SSBP3: variants seen among roughly 807,000 people sequenced by gnomAD.
SSBP3 encodes single stranded DNA binding protein 3.
Under a neutral mutation model 69.6 loss-of-function variants are expected in SSBP3, and 5 were observed. The ratio of observed to expected loss-of-function variants is 0.07; its 90% confidence interval spans 0.04 to 0.15. SSBP3 has a LOEUF of 0.15. Ranked by LOEUF, SSBP3 falls within the 10% of genes least tolerant of loss-of-function variation. The pLI is 1.00. For synonymous variants in SSBP3, 196 were observed against 193.4 expected, an observed-to-expected ratio of 1.01 and a Z score of -0.11; for missense variants, 312 against 534.0, an observed-to-expected ratio of 0.58 and a Z score of 4.10.
At chr1:54,266,285 C>T (rs572829282) in intron 5 of SSBP3, among the ~76,000 whole-genome samples, 2 of 152,310 alleles carry the variant, frequency 1.3e-5, no homozygotes, top group East Asian at 1.9e-4. Flanking sequence ...ACAAGGACCC[C>T]AAGAGCACAG....
chr1:54,384,105 CAAAAAA>C (rs34137070), intron 4 of SSBP3, among the ~76,000 whole-genome samples: 11 of 94,116 alleles, frequency 1.2e-4, no homozygotes, highest in African/African-American at 4.1e-4. Context: ...GACTCCATCT[CAAAAAA>C]AAAAAAAAAA....
At chr1:54,358,335 G>C (rs577316624) in intron 4 of SSBP3, among the ~76,000 whole-genome samples, 2 of 152,282 alleles carry the variant, frequency 1.3e-5, no homozygotes, top group Admixed American at 1.3e-4. Context: ...ACTCTTGGGG[G>C]CTTATCAGGT....
At chr1:54,323,212 GA>G (rs1204726706) in intron 4 of SSBP3, among the ~76,000 whole-genome samples, 1 of 151,972 alleles carries the variant, frequency 6.6e-6, no homozygotes, top group African/African-American at 2.4e-5. Context: ...AGTGGGGAAA[GA>G]AAAAAAATTT....
At chr1:54,228,562 T>A (rs1400996360) in intron 15 of SSBP3, 85 bp from the exon 16 acceptor site, 7 of 1,579,076 alleles carry the variant, frequency 4.4e-6, no homozygotes, top group African/African-American at 1.3e-5. Flanking sequence ...CTCGGGCCTC[T>A]AAGCCCTTCC....
At chr1:54,381,200 T>A (rs1443676966) in intron 4 of SSBP3, among the ~76,000 whole-genome samples, 5 of 151,896 alleles carry the variant, frequency 3.3e-5, no homozygotes, top group Admixed American at 1.3e-4. Flanking sequence ...CTGGCCAACA[T>A]GGTGAAATTC....
At chr1:54,231,234 T>G (rs1033092473) in intron 14 of SSBP3, among the ~76,000 whole-genome samples, 5 of 152,240 alleles carry the variant, frequency 3.3e-5, no homozygotes, top group Non-Finnish European at 5.9e-5. Flanking sequence ...ACAGCCGTCC[T>G]AGTGGGTGTG....
At chr1:54,293,642 T>C (rs757078609) in intron 4 of SSBP3, among the ~76,000 whole-genome samples, 18 of 152,122 alleles carry the variant, frequency 1.2e-4, no homozygotes, top group Admixed American at 8.5e-4. Flanking sequence ...TCTGCAACAC[T>C]CTTCTCCTCT....
intron 3 of SSBP3, 61 bp downstream of exon 3, chr1:54,404,515 C>T: frequency 6.3e-7 from 1 of 1,592,302 alleles, no homozygotes. Context: ...CTTCTTTGTT[C>T]ACTTGGACCC....
intron 4 of SSBP3, among the ~76,000 whole-genome samples, chr1:54,304,534 T>C (rs959810526): frequency 6.6e-6 from 1 of 151,926 alleles, no homozygotes; most frequent in Non-Finnish European, 1.5e-5. Context: ...TTGCAGGTGA[T>C]GGTGGGAAAA....
intron 4 of SSBP3, among the ~76,000 whole-genome samples, chr1:54,363,639 C>A (rs928642266): frequency 6.6e-6 from 1 of 152,124 alleles, no homozygotes; most frequent in Non-Finnish European, 1.5e-5. Flanking sequence ...CCACCCCCTG[C>A]ACCATCATTT....
chr1:54,250,544 G>C (rs557987506), intron 9 of SSBP3, among the ~76,000 whole-genome samples: 1 of 152,030 alleles, frequency 6.6e-6, no homozygotes, highest in Non-Finnish European at 1.5e-5. Flanking sequence ...GCGGGAATGG[G>C]GGGGGGCACT....
upstream of SSBP3, among the ~76,000 whole-genome samples, chr1:54,406,640 C>T (rs1372341234): frequency 1.3e-5 from 2 of 151,890 alleles, no homozygotes; most frequent in Non-Finnish European, 2.9e-5. Flanking sequence ...GTCGCCGGGG[C>T]GGTGGGCGAC....
Position 54,378,290 on chromosome 1 carries a change from CCTTG to C in SSBP3, c.276+23567_276+23570del, listed in dbSNP as rs1647345540. ...GTTTAACCCCCTAGTTATCGCTAAT[CCTTG>C]CTTAAAGAGGATTAAGACAATCATG... is the stretch of plus-strand genomic sequence containing the variant. On this transcript the variant is annotated intron_variant, in intron 4 of 17. Coordinates refer to ENST00000610401, the Ensembl canonical transcript of SSBP3. Among the ~76,000 whole-genome samples the C allele has an allele frequency of 2.6e-5, 4 of 152,352 alleles. 1 individual carries two copies. In the South Asian group the frequency reaches 8.3e-4, roughly 32 times the overall value.
At chr1:54,309,049 T>C (rs1281097402) in intron 4 of SSBP3, among the ~76,000 whole-genome samples, 1 of 152,244 alleles carries the variant, frequency 6.6e-6, no homozygotes, top group African/African-American at 2.4e-5. Context: ...CTGGGGCATA[T>C]GTGCATACAG....
intron 4 of SSBP3, among the ~76,000 whole-genome samples, chr1:54,283,195 G>A (rs1645427570): frequency 6.6e-6 from 1 of 151,360 alleles, no homozygotes; most frequent in Non-Finnish European, 1.5e-5. Flanking sequence ...TTGAACTCAG[G>A]AGGCAGAGGT....
chr1:54,270,672 G>A (rs1645177639), intron 5 of SSBP3, among the ~76,000 whole-genome samples: 1 of 152,136 alleles, frequency 6.6e-6, no homozygotes, highest in Admixed American at 6.5e-5. Context: ...TGAAAGACCT[G>A]GGCCTCTAGA....
At chr1:54,289,425 CT>C (rs1645565145) in intron 4 of SSBP3, among the ~76,000 whole-genome samples, 1 of 151,958 alleles carries the variant, frequency 6.6e-6, no homozygotes. Context: ...GTTCCTAGTG[CT>C]TTTTACACAT....
In SSBP3 at chr1:54,251,606, C is replaced by A. The variant is rs778082200; in HGVS notation, c.651+10G>T. On this transcript the variant is annotated intron_variant, in intron 9 of 17. Coordinates refer to ENST00000610401, the Ensembl canonical transcript of SSBP3. ...CCAGGGAGACGGACGGACAGACAGG[C>A]GGTGGTTACCTGTGGGCCGGGACCC... is the stretch of plus-strand genomic sequence containing the variant. 1 of 1,551,190 alleles carries A rather than the reference C, an allele frequency of 6.4e-7. No individual in the cohort carries two copies.
At chr1:54,291,456 G>A (rs1443529742) in intron 4 of SSBP3, among the ~76,000 whole-genome samples, 3 of 150,538 alleles carry the variant, frequency 2.0e-5, no homozygotes, top group South Asian at 2.1e-4. Flanking sequence ...GTGGACCACC[G>A]TGGTCTGCAC....
Sources: gnomAD v4.1 joint callset for allele counts (sites outside exome capture counted in the v4.1 genomes callset) on GRCh38, gnomAD v4.1.1 for gene constraint, MANE v1.5 for transcripts, NCBI Gene and HGNC (gene_info 2026-07-23, HGNC 2026-07-21) for gene names.